Variants in UNC79 observed in about 807,000 individuals in gnomAD.
The protein encoded by UNC79 is protein unc-79 homolog.
Under a neutral mutation model 283.1 loss-of-function variants are expected in UNC79, and 37 were observed. The observed-to-expected ratio is 0.13, with a 90% CI of 0.10 to 0.17. The LOEUF (loss-of-function observed/expected upper bound fraction) is 0.17, where lower values mean the gene tolerates loss of function less well. Among genes scored for constraint, UNC79 ranks in the 10% least tolerant of loss-of-function variants. The pLI is 1.00. For missense variants in UNC79, 2,272 were observed against 3,211.1 expected (o/e 0.71, Z 7.07); for synonymous variants, 1,107 against 1,200.2 (o/e 0.92, Z 1.61).
intron 7 of UNC79, among the ~76,000 whole-genome samples, chr14:93,504,343 A>G (rs189143992): frequency 1.3e-5 from 2 of 152,048 alleles, no homozygotes; most frequent in Non-Finnish European, 2.9e-5. Context: ...AAATTTGTCA[A>G]GTTAAACATA....
At chr14:93,556,539 C>T (rs985294790) in intron 14 of UNC79, among the ~76,000 whole-genome samples, 6 of 152,090 alleles carry the variant, frequency 3.9e-5, no homozygotes, top group African/African-American at 1.4e-4. Context: ...AGAGGTTTCT[C>T]CCAAAACAGG....
chr14:93,369,431 C>T (rs1369326574), intron 1 of UNC79, among the ~76,000 whole-genome samples: 1 of 152,172 alleles, frequency 6.6e-6, no homozygotes, highest in Non-Finnish European at 1.5e-5. Flanking sequence ...CTGAAAAAAT[C>T]AATAACTCTT....
chr14:93,692,952 A>G (rs2074814749), intron 46 of UNC79, among the ~76,000 whole-genome samples: 1 of 152,228 alleles, frequency 6.6e-6, no homozygotes, highest in Non-Finnish European at 1.5e-5. Flanking sequence ...CTGGAGGGAC[A>G]CCATAATGAT....
At chr14:93,515,264 A>G (rs1291766911) in intron 7 of UNC79, among the ~76,000 whole-genome samples, 4 of 149,660 alleles carry the variant, frequency 2.7e-5, no homozygotes, top group East Asian at 2.0e-4. Context: ...CCATATGTAT[A>G]TGTGTGTGTG....
At chr14:93,495,000 G>T (rs2058949367) in intron 5 of UNC79, among the ~76,000 whole-genome samples, 1 of 151,974 alleles carries the variant, frequency 6.6e-6, no homozygotes, top group Non-Finnish European at 1.5e-5. Context: ...AAAGTCTCCT[G>T]GTGTACCTCT....
In UNC79 at chr14:93,586,661, T is replaced by A. The variant is rs774919898; in HGVS notation, c.2869T>A (p.Tyr957Asn). The change falls in exon 21 of 49, where the codon TAT (tyrosine) becomes AAT (asparagine). Residue 957 changes from tyrosine (Y) to asparagine (N), a missense_variant. Coordinates refer to ENST00000555664, the Ensembl canonical transcript of UNC79. ...GCTTCCGGTAACATTGAGACTAATA[T>A]ATACCATTTTCCAGGTATATTTTCT... The A allele has an allele frequency of 4.3e-6, 7 of 1,613,866 alleles. No homozygotes were observed. The East Asian group carries it at 1.6e-4, about 36-fold the overall frequency.
chr14:93,530,631 C>G (rs549648087), intron 10 of UNC79, among the ~76,000 whole-genome samples: 1 of 151,848 alleles, frequency 6.6e-6, no homozygotes, highest in Non-Finnish European at 1.5e-5. Context: ...AAAAACAGGC[C>G]GGGCGCGGTG....
intron 35 of UNC79, 36 bp from the exon 39 acceptor site, chr14:93,653,706 A>G (rs772143787): frequency 6.9e-6 from 11 of 1,586,886 alleles, no homozygotes; most frequent in Non-Finnish European, 9.5e-6. Flanking sequence ...TCACTGGCCC[A>G]TGACTTCGTG....
chr14:93,565,192 A>G (rs1257918430), intron 14 of UNC79, among the ~76,000 whole-genome samples: 1 of 152,066 alleles, frequency 6.6e-6, no homozygotes, highest in African/African-American at 2.4e-5. Flanking sequence ...TGGGGTTACA[A>G]TCTTCCTGGA....
At chr14:93,590,612 G>T (rs2141904749) in intron 22 of UNC79, among the ~76,000 whole-genome samples, 1 of 152,132 alleles carries the variant, frequency 6.6e-6, no homozygotes, top group Admixed American at 6.5e-5. Context: ...CGGCCTTTAG[G>T]GTCCATAGCC....
chr14:93,350,325 G>A (rs1351652567), intron 1 of UNC79, among the ~76,000 whole-genome samples: 2 of 152,058 alleles, frequency 1.3e-5, no homozygotes, highest in African/African-American at 4.8e-5. Context: ...TGTGAGAAAA[G>A]TTATGAATGT....
At chr14:93,392,771 TG>T (rs34130714) in intron 1 of UNC79, among the ~76,000 whole-genome samples, 16,131 of 152,148 alleles carry the variant, frequency 0.11, 896 homozygotes, top group Middle Eastern at 0.17. Context: ...CCAAATCTCT[TG>T]GGATGTCTTG....
intron 2 of UNC79, among the ~76,000 whole-genome samples, 188 bp from the exon 3 acceptor site, chr14:93,473,901 T>C (rs2057657744): frequency 6.6e-6 from 1 of 152,208 alleles, no homozygotes; most frequent in South Asian, 2.1e-4. Flanking sequence ...GTAAACCTTG[T>C]ATTATTGGTA....
chr14:93,591,982 C>A (rs2064717516), intron 22 of UNC79, among the ~76,000 whole-genome samples: 1 of 152,164 alleles, frequency 6.6e-6, no homozygotes, highest in Admixed American at 6.5e-5. Context: ...TGATTTCATA[C>A]TGCGTCTTTA....
intron 1 of UNC79, among the ~76,000 whole-genome samples, chr14:93,339,290 ATTT>A (rs1287776379): frequency 6.6e-6 from 1 of 151,608 alleles, no homozygotes; most frequent in Non-Finnish European, 1.5e-5. Flanking sequence ...CTAGATGGCC[ATTT>A]TTTTCTTTAT....
intron 14 of UNC79, among the ~76,000 whole-genome samples, chr14:93,561,985 C>T (rs765270681): frequency 1.3e-4 from 20 of 152,086 alleles, no homozygotes; most frequent in Non-Finnish European, 2.5e-4. Flanking sequence ...AGGGTAAGGA[C>T]GAATAGACCT....
At chr14:93,516,455 G>GC (rs1277627833) in intron 7 of UNC79, among the ~76,000 whole-genome samples, 2 of 121,014 alleles carry the variant, frequency 1.7e-5, no homozygotes, top group East Asian at 2.6e-4. Context: ...TTTTTTGGGG[G>GC]GGGGGGTGGG....
At chr14:93,402,251 T>TGA (rs1295319340) in intron 1 of UNC79, among the ~76,000 whole-genome samples, 1 of 121,100 alleles carries the variant, frequency 8.3e-6, no homozygotes, top group Non-Finnish European at 1.6e-5. Context: ...CATTCCAGCC[T>TGA]GAGTGACAGA....
intron 2 of UNC79, among the ~76,000 whole-genome samples, chr14:93,470,677 A>C (rs2057455004): frequency 6.6e-6 from 1 of 152,202 alleles, no homozygotes; most frequent in Non-Finnish European, 1.5e-5. Flanking sequence ...GGTCTGGTAA[A>C]GTTACATCTG....
Sources: gnomAD v4.1 joint callset for allele counts (sites outside exome capture counted in the v4.1 genomes callset) on GRCh38, gnomAD v4.1.1 for gene constraint, MANE v1.5 for transcripts, NCBI Gene and HGNC (gene_info 2026-07-23, HGNC 2026-07-21) for gene names.